The following MROH2A variants were observed in gnomAD, a reference collection of about 807,000 sequenced individuals.
MROH2A encodes the protein maestro heat-like repeat-containing protein family member 2A.
In MROH2A, 174 loss-of-function variants were observed where a neutral mutation model predicts 200.4. The ratio of observed to expected loss-of-function variants is 0.87; its 90% CI spans 0.77 to 0.98. The LOEUF is 0.98. Ranked by LOEUF, MROH2A falls within the 50% of genes least tolerant of loss-of-function variation. The pLI is 0.00. For synonymous variants in MROH2A, 829 were observed against 840.4 expected (o/e 0.99, Z 0.23); for missense variants, 2,045 against 2,139.6 (o/e 0.96, Z 0.87).
chr2:233,798,795 C>T lies in MROH2A; in HGVS notation c.1274C>T (p.Ala425Val). The T allele has an allele frequency of 1.3e-6, 2 of 1,550,452 alleles. No homozygotes were observed. Among genetic ancestry groups the T allele is most frequent in the Non-Finnish European group, 8.7e-7 (1 of 1,146,926 alleles). The change falls in exon 12 of 42, where the codon GCC (alanine) becomes GTC (valine). Residue 425 changes from alanine (A) to valine (V), a missense_variant. Physicochemically the swap from Ala to Val is moderately conservative, Grantham distance 64 (BLOSUM62 0). Coordinates refer to ENST00000389758, the MANE Select transcript of MROH2A (RefSeq NM_001394639.1). ...SADEPRMSIRAIYLAIRVVKN... is the reference protein window; with the variant it reads ...SADEPRMSIRVIYLAIRVVKN... The stretch of plus-strand genomic sequence containing the variant: ...TCAGAGCCCAGGATGAGTATCAGGG[C>T]CATCTACCTGGCTATCCGGGTAGTC...
intron 3 of MROH2A, among the ~76,000 whole-genome samples, chr2:233,783,963 A>G (rs1274434742): frequency 6.6e-6 from 1 of 151,864 alleles, no homozygotes; most frequent in East Asian, 1.9e-4. Flanking sequence ...CTCTAGCTAA[A>G]TATTTATCAA....
rs190909927 is a variant in MROH2A, at chr2:233,793,700, A to G, written c.698A>G (p.Gln233Arg). Residue 233 changes from glutamine to arginine, a missense_variant, in exon 7 of 42, where the codon CAG (glutamine) becomes CGG (arginine). Coordinates refer to ENST00000389758, the MANE Select transcript of MROH2A (RefSeq NM_001394639.1). ...SAMETFCETV[Q>R]FYLKHLEESV... ...ATGGAGACCTTCTGTGAGACGGTGC[A>G]GTTTTATCTGAAGCACCTGGAGGAG... 8,099 of 1,453,860 alleles carry G rather than the reference A, an allele frequency of 5.6e-3. 31 individuals carry two copies. The highest frequency in any genetic ancestry group is 0.016 in the Middle Eastern group (90 of 5,630). The allele number at this position is 1,453,860 out of a possible 1,614,324, so 90.1% of individuals were successfully genotyped here.
intron 11 of MROH2A, among the ~76,000 whole-genome samples, chr2:233,797,279 C>T (rs1702175701): frequency 1.3e-5 from 2 of 152,208 alleles, no homozygotes; most frequent in Admixed American, 1.3e-4. Flanking sequence ...TACGGACCAA[C>T]ATTTGCACTC....
At chr2:233,824,687 G>A (rs1177836112) in intron 35 of MROH2A, among the ~76,000 whole-genome samples, 1 of 152,368 alleles carries the variant, frequency 6.6e-6, no homozygotes, top group Non-Finnish European at 1.5e-5. Context: ...GGGGAAAGCA[G>A]TGCCTTCTTT....
chr2:233,818,158 T>G, intron 28 of MROH2A, 33 bp downstream of exon 28: 3 of 1,547,878 alleles, frequency 1.9e-6, no homozygotes. Context: ...GACCAGCTCC[T>G]CTGGGAGGGA....
intron 26 of MROH2A, among the ~76,000 whole-genome samples, chr2:233,815,814 A>G (rs1216706344): frequency 6.7e-6 from 1 of 148,758 alleles, no homozygotes. Context: ...CCTTGAAATC[A>G]GGATCAGATA....
chr2:233,792,557 C>T (rs1411201190), intron 5 of MROH2A, among the ~76,000 whole-genome samples: 1 of 152,154 alleles, frequency 6.6e-6, no homozygotes, highest in Non-Finnish European at 1.5e-5. Flanking sequence ...TCGTGATCCG[C>T]CCACCTTGGC....
At chr2:233,818,515 A>G in intron 28 of MROH2A, 137 bp from the exon 29 acceptor site, 2 of 705,956 alleles carry the variant, frequency 2.8e-6, no homozygotes. Flanking sequence ...AGTGAGAGCA[A>G]AGGTCAGAAC....
chr2:233,819,880 G>A lies in MROH2A; in HGVS notation c.3358-22G>A, dbSNP rs1415583030. ...CCATAGGGGCCTGGGCTGCCCCCCG[G>A]TGATGCCCCATCCCTACCTAGGTGG... On this transcript the variant is annotated intron_variant, in intron 30 of 41. Coordinates refer to ENST00000389758, the MANE Select transcript of MROH2A (RefSeq NM_001394639.1). The A allele has an allele frequency of 1.3e-5, 19 of 1,487,788 alleles. No homozygotes were observed. The East Asian group carries it at 4.3e-4, about 33-fold the overall frequency. 92.2% of individuals were successfully genotyped at this position (1,487,788 alleles called of 1,614,324 possible). A position where few individuals can be genotyped will look rare whatever the true frequency, so the allele number is the denominator to read the frequency against.
At chr2:233,798,588 G>A (rs1393773290) in intron 11 of MROH2A, among the ~76,000 whole-genome samples, 186 bp from the exon 12 acceptor site, 3 of 152,220 alleles carry the variant, frequency 2.0e-5, no homozygotes, top group East Asian at 1.9e-4. Context: ...CCAAGGGAAC[G>A]AGGCGTGGAA....
chr2:233,818,233 G>C, intron 28 of MROH2A, 108 bp downstream of exon 28: 1 of 1,358,942 alleles, frequency 7.4e-7, no homozygotes, highest in Non-Finnish European at 1.0e-6. Context: ...CCTCTGTGCA[G>C]GCAGGCATGG....
chr2:233,798,797 A>T lies in MROH2A; in HGVS notation c.1276A>T (p.Ile426Phe), dbSNP rs1374168762. Residue 426 changes from isoleucine (I) to phenylalanine (F), a missense_variant, in exon 12 of 42, where the codon ATC (isoleucine) becomes TTC (phenylalanine). Physicochemically the swap from Ile to Phe is conservative, Grantham distance 21 (BLOSUM62 0). This residue lies in a region of MROH2A where 831 missense variants were observed against 800.0 expected (regional missense o/e 1.04). Coordinates refer to ENST00000389758, the MANE Select transcript of MROH2A (RefSeq NM_001394639.1). Reference sequence around the variant, plus strand: ...AGAGCCCAGGATGAGTATCAGGGCCATCTACCTGGCTATCCGGGTAGTCAA... The same window carrying T: ...AGAGCCCAGGATGAGTATCAGGGCCTTCTACCTGGCTATCCGGGTAGTCAA... ...ADEPRMSIRAIYLAIRVVKNT... is the reference protein window; with the variant it reads ...ADEPRMSIRAFYLAIRVVKNT... 1 of 1,550,524 alleles carries T rather than the reference A, an allele frequency of 6.4e-7. No individual in the cohort carries two copies. Among genetic ancestry groups the T allele is most frequent in the Non-Finnish European group, 8.7e-7 (1 of 1,146,956 alleles).
At chr2:233,779,267 G>A in intron 1 of MROH2A, 78 bp from the exon 2 acceptor site, 1 of 859,250 alleles carries the variant, frequency 1.2e-6, no homozygotes, top group Non-Finnish European at 1.9e-6. Context: ...ATGGCTTTAT[G>A]GAAGGGTGTG....
intron 3 of MROH2A, among the ~76,000 whole-genome samples, chr2:233,780,680 T>A (rs996549407): frequency 1.3e-5 from 2 of 152,216 alleles, no homozygotes; most frequent in Non-Finnish European, 2.9e-5. Flanking sequence ...AATGACCGAA[T>A]CAGGGTAATT....
intron 19 of MROH2A, 35 bp downstream of exon 19, chr2:233,805,146 G>A (rs899055026): frequency 5.9e-5 from 83 of 1,414,546 alleles, no homozygotes; most frequent in Non-Finnish European, 7.7e-5. Context: ...GTTTGGACAA[G>A]GAGTAGACTC....
chr2:233,782,646 G>A (rs1024490022), intron 3 of MROH2A, among the ~76,000 whole-genome samples: 7 of 152,124 alleles, frequency 4.6e-5, no homozygotes, highest in Admixed American at 6.5e-5. Flanking sequence ...GTATGAGATC[G>A]TGTCATCTGT....
intron 3 of MROH2A, among the ~76,000 whole-genome samples, chr2:233,782,645 C>T (rs375761877): frequency 2.0e-5 from 3 of 152,150 alleles, no homozygotes; most frequent in Non-Finnish European, 2.9e-5. Context: ...AGTATGAGAT[C>T]GTGTCATCTG....
intron 23 of MROH2A, 103 bp downstream of exon 23, chr2:233,811,019 C>T (rs1287304876): frequency 3.8e-6 from 5 of 1,313,906 alleles, no homozygotes; most frequent in Non-Finnish European, 5.2e-6. Flanking sequence ...GCAGAGCTCT[C>T]TGAAGTCCTT....
At chr2:233,816,724 A>T in intron 26 of MROH2A, 57 bp from the exon 27 acceptor site, 2 of 1,249,558 alleles carry the variant, frequency 1.6e-6, no homozygotes, top group Non-Finnish European at 2.3e-6. Context: ...GCTGGCCAGG[A>T]AAGGGCTGGC....
Sources: gnomAD v4.1 joint callset for allele counts (sites outside exome capture counted in the v4.1 genomes callset) on GRCh38, gnomAD v4.1.1 for gene constraint, gnomAD v4.1.1 regional missense constraint, MANE v1.5 for transcripts, NCBI Gene and HGNC (gene_info 2026-07-23, HGNC 2026-07-21) for gene names.